FRMD8: variants seen among roughly 807,000 people sequenced by gnomAD.
FRMD8 encodes FERM domain containing 8, also known as FERM domain-containing protein 8.
Under a neutral mutation model 54.2 loss-of-function variants are expected in FRMD8, and 37 were observed. The ratio of observed to expected loss-of-function variants is 0.68; its 90% CI spans 0.53 to 0.90. The LOEUF is 0.90. FRMD8 is among the 40% of genes least tolerant of loss of function. FRMD8 has a pLI of 0.00. For synonymous variants in FRMD8, 246 were observed against 286.9 expected, an observed-to-expected ratio of 0.86 and a Z score of 1.44; for missense variants, 585 against 653.7, an observed-to-expected ratio of 0.89 and a Z score of 1.15.
At chr11:65,373,788 A>T in the FRMD8 span, among the ~76,000 whole-genome samples, 1 of 152,078 alleles carries the variant, frequency 6.6e-6, no homozygotes, top group African/African-American at 2.4e-5. Flanking sequence ...AGGTCTCACT[A>T]TGTTGCCCAG....
intron 9 of FRMD8, among the ~76,000 whole-genome samples, chr11:65,402,558 T>C (rs1385590976): frequency 6.6e-6 from 1 of 152,184 alleles, no homozygotes; most frequent in East Asian, 1.9e-4. Context: ...AGAACTTTGT[T>C]CTTTTTAAAA....
At chr11:65,411,136 T>C in intron 10 of FRMD8, 106 bp from the exon 11 acceptor site, 3 of 859,496 alleles carry the variant, frequency 3.5e-6, no homozygotes, top group South Asian at 1.8e-5. Context: ...CTGACCAGGC[T>C]CTGGAAGGAG....
the FRMD8 span, chr11:65,376,680 G>A: frequency 7.4e-6 from 12 of 1,613,578 alleles, no homozygotes; most frequent in African/African-American, 1.3e-4. Flanking sequence ...CTGAGCCTGG[G>A]GCAGAGAGAG....
intron 7 of FRMD8, 112 bp from the exon 8 acceptor site, chr11:65,399,624 G>A: frequency 2.3e-6 from 3 of 1,326,446 alleles, no homozygotes; most frequent in East Asian, 2.4e-5. Flanking sequence ...CCCTGGGGCG[G>A]GTTTCAGTCA....
intron 10 of FRMD8, among the ~76,000 whole-genome samples, chr11:65,407,228 C>CATTTATTT (rs66771671): frequency 4.1e-5 from 6 of 147,090 alleles, no homozygotes; most frequent in African/African-American, 1.5e-4. Context: ...CAAAGATCTA[C>CATTTATTT]ATTTATTTAT....
At chr11:65,374,831 G>C in the FRMD8 span, among the ~76,000 whole-genome samples, 2 of 152,046 alleles carry the variant, frequency 1.3e-5, no homozygotes, top group South Asian at 4.2e-4. Flanking sequence ...GCCAGGTGCG[G>C]TGGCACACAC....
the FRMD8 span, among the ~76,000 whole-genome samples, chr11:65,371,000 C>T: frequency 3.2e-4 from 49 of 152,274 alleles, no homozygotes; most frequent in African/African-American, 1.1e-3. Context: ...TCTGAGGCAT[C>T]GGCCTGGGCT....
chr11:65,409,869 A>T (rs1490470439), intron 10 of FRMD8, among the ~76,000 whole-genome samples: 1 of 152,060 alleles, frequency 6.6e-6, no homozygotes, highest in Non-Finnish European at 1.5e-5. Flanking sequence ...ACCTGAGGCC[A>T]GGAGTTCGAG....
At chr11:65,375,054 C>T in the FRMD8 span, 2 of 152,210 alleles carry the variant, frequency 1.3e-5, no homozygotes, top group Non-Finnish European at 2.9e-5. Context: ...CAGCTCCCAG[C>T]ATCCTCCACT....
At chr11:65,409,302 G>A (rs1364750660) in intron 10 of FRMD8, among the ~76,000 whole-genome samples, 1 of 151,964 alleles carries the variant, frequency 6.6e-6, no homozygotes, top group Non-Finnish European at 1.5e-5. Context: ...GGCCAGGCTG[G>A]TCTCGAACTC....
the FRMD8 span, chr11:65,380,638 G>A: frequency 1.6e-6 from 2 of 1,287,170 alleles, no homozygotes; most frequent in South Asian, 1.2e-5. Context: ...GGGCCCTGAT[G>A]GGGGTCATGC....
intron 10 of FRMD8, among the ~76,000 whole-genome samples, chr11:65,409,765 CAAAAAA>C (rs751034633): frequency 8.5e-6 from 1 of 117,966 alleles, no homozygotes; most frequent in African/African-American, 3.2e-5. Context: ...GACCCTGTCG[CAAAAAA>C]AAAAAAAGAA....
intron 9 of FRMD8, among the ~76,000 whole-genome samples, chr11:65,401,172 A>G (rs1165798952): frequency 1.3e-5 from 2 of 151,804 alleles, no homozygotes; most frequent in Non-Finnish European, 2.9e-5. Flanking sequence ...TCCTGTCCCC[A>G]AGACCAGTGC....
Position 65,400,021 on chromosome 11 carries a change from C to T in FRMD8, c.927+162C>T. The T allele has an allele frequency of 2.5e-6, 2 of 814,808 alleles. No homozygotes were observed. The highest frequency in any genetic ancestry group is 1.8e-6 in the Non-Finnish European group (1 of 540,562). The allele number at this position is 814,808 out of a possible 1,614,324, so 50.5% of individuals were successfully genotyped here. A position where few individuals can be genotyped will look rare whatever the true frequency, so the allele number is the denominator to read the frequency against. On this transcript the variant is annotated intron_variant, in intron 8 of 10. Coordinates refer to ENST00000317568, the MANE Select transcript of FRMD8 (RefSeq NM_031904.5). This position sits in a 1 kb window ranked among gnomAD's most constrained non-coding sequence, Gnocchi z 4.3. Reference sequence around the variant, plus strand: ...TGTCCTCGTAGCCCCTGAGGGTGATCCTGGGTCCTCTTGCCCAACATGCTA... The same window carrying T: ...TGTCCTCGTAGCCCCTGAGGGTGATTCTGGGTCCTCTTGCCCAACATGCTA...
At chr11:65,392,222 G>A (rs1178746762) in intron 3 of FRMD8, among the ~76,000 whole-genome samples, 1 of 152,180 alleles carries the variant, frequency 6.6e-6, no homozygotes, top group African/African-American at 2.4e-5. Context: ...GGATGCAGGG[G>A]TGGGTGGAAG....
At chr11:65,411,211 C>T (rs922551588) in intron 10 of FRMD8, 31 bp from the exon 11 acceptor site, 7 of 1,565,234 alleles carry the variant, frequency 4.5e-6, no homozygotes, top group African/African-American at 1.4e-5. Context: ...GACAGCGCCT[C>T]TGCTCAGTGT....
the FRMD8 span, chr11:65,368,132 G>C: frequency 7.4e-6 from 1 of 134,778 alleles, no homozygotes; most frequent in African/African-American, 2.8e-5. Flanking sequence ...CTGGAGTGCA[G>C]TGGCATTATC....
chr11:65,405,413 G>A (rs1424389866), intron 10 of FRMD8, among the ~76,000 whole-genome samples: 1 of 152,152 alleles, frequency 6.6e-6, no homozygotes, highest in Non-Finnish European at 1.5e-5. Flanking sequence ...CCTGAGGTCA[G>A]GAGTTCAAGA....
In FRMD8 at chr11:65,399,774, A is replaced by G; in HGVS notation, c.842A>G (p.Gln281Arg). 1.2e-6 allele frequency: 2 copies of G among 1,614,102 alleles called. No individual in the cohort carries two copies. Among genetic ancestry groups the G allele is most frequent in the Non-Finnish European group, 8.5e-7 (1 of 1,179,990 alleles). ...FFHGEVDKPAQGFLHRGGRKP... is the reference protein window; with the variant it reads ...FFHGEVDKPARGFLHRGGRKP... Reference sequence around the variant, plus strand: ...CACGGTGAGGTTGACAAGCCGGCCCAAGGCTTTTTGCACCGGGGTGGGCGC... The same window carrying G: ...CACGGTGAGGTTGACAAGCCGGCCCGAGGCTTTTTGCACCGGGGTGGGCGC... Residue 281 changes from glutamine (Q) to arginine (R), a missense_variant, in exon 8 of 11, where the codon CAA becomes CGA. Physicochemically the swap from Gln to Arg is conservative, Grantham distance 43 (BLOSUM62 1). Transcript: ENST00000317568.
Sources: allele counts gnomAD v4.1 joint callset (sites outside exome capture counted in the v4.1 genomes callset), GRCh38; gene constraint gnomAD v4.1.1; non-coding constraint Gnocchi (gnomAD v3.1); transcripts MANE v1.5; gene names NCBI Gene and HGNC (gene_info 2026-07-23, HGNC 2026-07-21).